Variants in MCF2L observed in about 807,000 individuals in gnomAD.
MCF2L encodes the protein MCF.2 cell line derived transforming sequence like.
MCF2L carries 97 observed loss-of-function variants against 153.4 expected under a neutral mutation model. That is an observed-to-expected ratio of 0.63 (90% CI 0.54 to 0.75). The LOEUF (loss-of-function observed/expected upper bound fraction) is 0.75. MCF2L is among the 30% of genes least tolerant of loss of function. The pLI, the probability that MCF2L is intolerant of heterozygous loss-of-function variation, is 0.00. For synonymous variants in MCF2L, 659 were observed against 632.2 expected, an observed-to-expected ratio of 1.04 and a Z score of -0.64; for missense variants, 1,347 against 1,495.2, an observed-to-expected ratio of 0.90 and a Z score of 1.64.
At chr13:112,921,069 C>T (rs1339589901) in intron 2 of MCF2L, among the ~76,000 whole-genome samples, 2 of 151,528 alleles carry the variant, frequency 1.3e-5, no homozygotes, top group African/African-American at 4.9e-5. Context: ...CCCAGCTACT[C>T]GGGAGGCTGA....
At chr13:113,095,121 T>C in intron 27 of MCF2L, 1 of 1,335,176 alleles carries the variant, frequency 7.5e-7, no homozygotes, top group South Asian at 1.2e-5. Flanking sequence ...ATGGAACTGC[T>C]AAGCATGGAT....
At chr13:112,935,600 C>G (rs1010642081) in intron 2 of MCF2L, among the ~76,000 whole-genome samples, 5 of 152,102 alleles carry the variant, frequency 3.3e-5, no homozygotes, top group African/African-American at 1.2e-4. Context: ...ATGATTTTGC[C>G]CAACCGTAGC....
At chr13:112,897,529 G>A (rs144432028) in intron 1 of MCF2L, among the ~76,000 whole-genome samples, 1 of 152,208 alleles carries the variant, frequency 6.6e-6, no homozygotes, top group African/African-American at 2.4e-5. Context: ...GGGACGTCCC[G>A]GATGAAATGT....
chr13:113,078,270 A>G (rs2033717478), intron 13 of MCF2L, 93 bp from the exon 14 acceptor site: 1 of 1,029,854 alleles, frequency 9.7e-7, no homozygotes, highest in Non-Finnish European at 1.5e-6. Context: ...GCCGAGTCCT[A>G]CCCTCTCCTC....
rs1468045190 is a variant in MCF2L at position 113,011,687 on chromosome 13, G to A, written c.80-3076G>A. On this transcript the variant is annotated intron_variant, in intron 1 of 29. Transcript: ENST00000535094. ...ACTGTGATGCAGACGGTGGACAGGC[G>A]GTGTGGACGGTGGACACCGTGATGC... Among the ~76,000 whole-genome samples, 44 of 138,682 alleles carry A rather than the reference G, an allele frequency of 3.2e-4. 1 individual carries two copies. The highest frequency in any genetic ancestry group is 1.1e-3 in the African/African-American group (41 of 37,682). 91.0% of individuals were successfully genotyped at this position (138,682 alleles called of 152,430 possible).
chr13:112,917,471 G>A (rs768799500), intron 2 of MCF2L: 12 of 318,064 alleles, frequency 3.8e-5, no homozygotes, highest in South Asian at 1.9e-4. Flanking sequence ...CTGCCTCTGC[G>A]CCTGTCCCTC....
At chr13:112,990,055 C>T (rs2082838086) in intron 1 of MCF2L, among the ~76,000 whole-genome samples, 1 of 152,214 alleles carries the variant, frequency 6.6e-6, no homozygotes, top group African/African-American at 2.4e-5. Context: ...TCCTCACTCA[C>T]CCGCCACTCA....
chr13:112,988,831 G>T (rs2082764988), intron 1 of MCF2L, among the ~76,000 whole-genome samples: 1 of 95,936 alleles, frequency 1.0e-5, no homozygotes, highest in Admixed American at 9.0e-5. Context: ...CCCTGAGCAG[G>T]GGATGGAGCT....
At chr13:112,920,392 C>T (rs886521580) in intron 2 of MCF2L, among the ~76,000 whole-genome samples, 6 of 151,954 alleles carry the variant, frequency 3.9e-5, no homozygotes, top group East Asian at 3.9e-4. Flanking sequence ...TGTGTGCACA[C>T]GCGTGTTTGT....
intron 9 of MCF2L, among the ~76,000 whole-genome samples, chr13:113,072,838 C>A (rs7327353): frequency 0.56 from 85,121 of 151,862 alleles, 24,404 homozygotes; most frequent in East Asian, 0.83. Flanking sequence ...TTCTCAGTTT[C>A]ATTGATTTCT....
chr13:113,052,919 C>A (rs2087458941), intron 4 of MCF2L, among the ~76,000 whole-genome samples: 1 of 152,056 alleles, frequency 6.6e-6, no homozygotes, highest in Non-Finnish European at 1.5e-5. Context: ...CATAAACACA[C>A]ACACATATCA....
intron 2 of MCF2L, among the ~76,000 whole-genome samples, chr13:112,962,435 G>A (rs934499656): frequency 6.6e-6 from 1 of 152,204 alleles, no homozygotes; most frequent in African/African-American, 2.4e-5. Flanking sequence ...CCTGTGTGGT[G>A]TCGGCTGGGC....
chr13:113,014,785 C>G lies in MCF2L; in HGVS notation c.102C>G (p.Ile34Met), dbSNP rs139777066. The G allele has an allele frequency of 1.2e-6, 2 of 1,613,892 alleles. No homozygotes were observed. The highest frequency in any genetic ancestry group is 1.7e-5 in the Admixed American group (1 of 59,994). The stretch of plus-strand genomic sequence containing the variant: ...CAGATGAAATCATGCACCAGGACAT[C>G]GTCCCGCTCTGTGCTGCCGACATCC... ...KHTDEIMHQDIVPLCAADIQD... is the reference protein window; with the variant it reads ...KHTDEIMHQDMVPLCAADIQD... Residue 34 changes from isoleucine (I) to methionine (M), a missense_variant, in exon 2 of 30, where the codon ATC becomes ATG. Transcript: ENST00000535094.
chr13:113,088,617 G>C lies in MCF2L; in HGVS notation c.2823G>C (p.Pro941=). The C allele has an allele frequency of 6.2e-7, 1 of 1,607,438 alleles. No individual in the cohort carries two copies. Among genetic ancestry groups the C allele is most frequent in the South Asian group, 1.1e-5 (1 of 90,930 alleles). Residue 941 remains proline (P), a synonymous_variant, in exon 25 of 30, where the codon CCG becomes CCC. Coordinates refer to ENST00000535094, the MANE Select transcript of MCF2L (RefSeq NM_001112732.3). ...CACAGAGCCTGCCCCTGCCGGCCCC[G>C]ACCAGCACCAGGTGAGAATGGACAC... The part of the protein sequence containing the change: ...EQSQSLPLPA[P]TSTSPSRGNS...
At chr13:113,037,212 G>T (rs1369174821) in intron 3 of MCF2L, among the ~76,000 whole-genome samples, 1 of 152,222 alleles carries the variant, frequency 6.6e-6, no homozygotes, top group Non-Finnish European at 1.5e-5. Flanking sequence ...TAAGCTCTGT[G>T]TGCTGTTAGG....
chr13:112,976,140 G>A (rs889605437), intron 1 of MCF2L, among the ~76,000 whole-genome samples: 2 of 107,932 alleles, frequency 1.9e-5, no homozygotes, highest in East Asian at 2.7e-4. Context: ...CGAATGTTCC[G>A]GGTTTTTTTT....
intron 2 of MCF2L, among the ~76,000 whole-genome samples, chr13:113,020,331 C>T (rs554229624): frequency 1.3e-5 from 2 of 152,324 alleles, no homozygotes; most frequent in East Asian, 1.9e-4. Flanking sequence ...GAAAACAAAG[C>T]AGGACACACG....
chr13:112,899,547 C>T (rs2081100783), intron 1 of MCF2L, among the ~76,000 whole-genome samples: 1 of 152,216 alleles, frequency 6.6e-6, no homozygotes, highest in Non-Finnish European at 1.5e-5. Context: ...ACCCACGTAT[C>T]TTGGGGTTAA....
chr13:112,949,826 T>C (rs767253879), intron 2 of MCF2L, among the ~76,000 whole-genome samples: 9 of 152,192 alleles, frequency 5.9e-5, no homozygotes, highest in Non-Finnish European at 8.8e-5. Context: ...TTCTCCATAA[T>C]ATCAGGTACA....
Sources: gnomAD v4.1 joint callset for allele counts (sites outside exome capture counted in the v4.1 genomes callset) on GRCh38, gnomAD v4.1.1 for gene constraint, MANE v1.5 for transcripts, NCBI Gene and HGNC (gene_info 2026-07-23, HGNC 2026-07-21) for gene names.